DSCAM: variants seen among roughly 807,000 people sequenced by gnomAD.
The protein encoded by DSCAM is cell adhesion molecule DSCAM.
Under a neutral mutation model 217.7 loss-of-function variants are expected in DSCAM, and 47 were observed. That is an observed-to-expected ratio of 0.22 (90% CI 0.17 to 0.28). The LOEUF (loss-of-function observed/expected upper bound fraction) is 0.28. Among genes scored for constraint, DSCAM ranks in the 10% least tolerant of loss-of-function variants. DSCAM has a pLI of 1.00. For missense variants in DSCAM, 2,080 were observed against 2,618.3 expected (o/e 0.79, Z 4.49); for synonymous variants, 1,056 against 1,015.3 (o/e 1.04, Z -0.76).
At chr21:40,790,439 C>A (rs1375221289) in intron 1 of DSCAM, among the ~76,000 whole-genome samples, 2 of 152,212 alleles carry the variant, frequency 1.3e-5, no homozygotes, top group Non-Finnish European at 2.9e-5. Flanking sequence ...CTTTTTCTTA[C>A]TGGCCCTGAT....
chr21:40,547,762 C>T (rs373714528), intron 3 of DSCAM, among the ~76,000 whole-genome samples: 8 of 152,272 alleles, frequency 5.3e-5, no homozygotes, highest in African/African-American at 1.9e-4. Context: ...TGGAGCAATG[C>T]TTCCACTGTC....
At chr21:40,124,612 C>A (rs1267816078) in intron 19 of DSCAM, among the ~76,000 whole-genome samples, 1 of 151,894 alleles carries the variant, frequency 6.6e-6, no homozygotes, top group Non-Finnish European at 1.5e-5. Flanking sequence ...TAAAAAGGGC[C>A]AGTTTGGACA....
At chr21:40,685,672 T>A (rs2090465046) in intron 3 of DSCAM, among the ~76,000 whole-genome samples, 1 of 152,174 alleles carries the variant, frequency 6.6e-6, no homozygotes. Context: ...TCCATAGCCT[T>A]CTCCTGTATT....
chr21:40,341,621 C>T (rs149447071), intron 6 of DSCAM, among the ~76,000 whole-genome samples: 10 of 152,344 alleles, frequency 6.6e-5, no homozygotes, highest in African/African-American at 2.2e-4. Flanking sequence ...GAGATCACTG[C>T]TCTGATTCCT....
chr21:40,177,154 C>T (rs2090743224), intron 15 of DSCAM, among the ~76,000 whole-genome samples: 1 of 152,200 alleles, frequency 6.6e-6, no homozygotes, highest in Non-Finnish European at 1.5e-5. Context: ...AATGAAATCT[C>T]AGGGATCTGA....
At chr21:40,428,001 G>A (rs568006241) in intron 3 of DSCAM, among the ~76,000 whole-genome samples, 2 of 152,270 alleles carry the variant, frequency 1.3e-5, no homozygotes, top group Admixed American at 1.3e-4. Flanking sequence ...GTGCTACACT[G>A]TATCATCTTC....
intron 1 of DSCAM, among the ~76,000 whole-genome samples, chr21:40,808,119 G>A (rs1269300065): frequency 2.0e-5 from 3 of 152,160 alleles, no homozygotes; most frequent in African/African-American, 4.8e-5. Flanking sequence ...GGTGTTGCTG[G>A]AGCCCAACTC....
chr21:40,402,771 T>TA (rs2075248498), intron 3 of DSCAM, among the ~76,000 whole-genome samples: 1 of 152,100 alleles, frequency 6.6e-6, no homozygotes, highest in Admixed American at 6.6e-5. Flanking sequence ...ATTTTAGGTT[T>TA]AGGAAGTCAG....
At chr21:40,760,481 C>G (rs527314132) in intron 1 of DSCAM, among the ~76,000 whole-genome samples, 1 of 152,320 alleles carries the variant, frequency 6.6e-6, no homozygotes, top group Admixed American at 6.5e-5. Flanking sequence ...TTCTGACCTG[C>G]CTTACCCTAG....
chr21:40,134,465 CA>C (rs1444066150), intron 18 of DSCAM, among the ~76,000 whole-genome samples: 1 of 152,214 alleles, frequency 6.6e-6, no homozygotes, highest in Non-Finnish European at 1.5e-5. Context: ...TTATTTTAAA[CA>C]AGCTCTACTT....
intron 1 of DSCAM, among the ~76,000 whole-genome samples, chr21:40,734,983 AAATGCTGGTTGGTTC>A: frequency 6.6e-6 from 1 of 152,346 alleles, no homozygotes; most frequent in East Asian, 1.9e-4. Context: ...CACAAAACAG[AAATGCTGGTTGGTTC>A]AATATTTAAA....
chr21:40,752,503 G>A (rs1387617402), intron 1 of DSCAM, among the ~76,000 whole-genome samples: 1 of 152,154 alleles, frequency 6.6e-6, no homozygotes, highest in African/African-American at 2.4e-5. Flanking sequence ...GGCAATATGT[G>A]ATAAAATATG....
intron 3 of DSCAM, among the ~76,000 whole-genome samples, chr21:40,516,801 A>G (rs1232446324): frequency 6.6e-6 from 1 of 151,730 alleles, no homozygotes. Flanking sequence ...GATAACATTC[A>G]TATACACTAT....
chr21:40,829,812 C>A (rs1225180733), intron 1 of DSCAM, among the ~76,000 whole-genome samples: 1 of 152,138 alleles, frequency 6.6e-6, no homozygotes, highest in African/African-American at 2.4e-5. Context: ...ATGGGAGAGG[C>A]CACAAGTGCT....
At chr21:40,167,763 T>C (rs1051292434) in intron 15 of DSCAM, among the ~76,000 whole-genome samples, 4 of 152,176 alleles carry the variant, frequency 2.6e-5, no homozygotes, top group Non-Finnish European at 5.9e-5. Context: ...ATGGCTTTTG[T>C]TCTTCAATTA....
At chr21:40,221,017 T>C (rs2091284897) in intron 11 of DSCAM, among the ~76,000 whole-genome samples, 1 of 152,188 alleles carries the variant, frequency 6.6e-6, no homozygotes, top group Non-Finnish European at 1.5e-5. Context: ...ATGCAGAAAC[T>C]GAGGCTCAGA....
chr21:40,365,142 T>C (rs1217704532), intron 4 of DSCAM, among the ~76,000 whole-genome samples: 1 of 152,112 alleles, frequency 6.6e-6, no homozygotes, highest in Admixed American at 6.6e-5. Context: ...ATGCAAAGTA[T>C]TGTTCCTGGG....
chr21:40,017,694 G>GGT (rs1555859849), intron 32 of DSCAM, among the ~76,000 whole-genome samples: 2 of 151,994 alleles, frequency 1.3e-5, no homozygotes, highest in Non-Finnish European at 2.9e-5. Context: ...TGGGATTACA[G>GGT]GCATGCACCA....
chr21:40,457,266 C>T (rs1249406020), intron 3 of DSCAM, among the ~76,000 whole-genome samples: 1 of 152,202 alleles, frequency 6.6e-6, no homozygotes, highest in Non-Finnish European at 1.5e-5. Flanking sequence ...AACCTCAGCA[C>T]TTCGGAAAGC....
Sources: allele counts gnomAD v4.1 joint callset (sites outside exome capture counted in the v4.1 genomes callset), GRCh38; gene constraint gnomAD v4.1.1; transcripts MANE v1.5; gene names NCBI Gene and HGNC (gene_info 2026-07-23, HGNC 2026-07-21).